Variants in DIP2B observed in about 807,000 individuals in gnomAD.
The protein encoded by DIP2B is DIP2 acetate--CoA ligase B (putative), also known as disco-interacting protein 2 homolog B.
A neutral mutation model predicts 198.0 loss-of-function variants in DIP2B; 76 were observed. The observed-to-expected ratio is 0.38, with a 90% confidence interval of 0.32 to 0.46. DIP2B has a LOEUF of 0.46. Among genes scored for constraint, DIP2B ranks in the 20% least tolerant of loss-of-function variants. The pLI, the probability that DIP2B is intolerant of heterozygous loss-of-function variation, is 0.99. For missense variants in DIP2B, 1,559 were observed against 1,978.4 expected (o/e 0.79, Z 4.02); for synonymous variants, 701 against 739.1 (o/e 0.95, Z 0.84).
intron 7 of DIP2B, 132 bp from the exon 8 acceptor site, chr12:50,678,547 A>G: frequency 1.0e-6 from 1 of 953,012 alleles, no homozygotes; most frequent in Non-Finnish European, 1.6e-6. Context: ...ATTTCTAACC[A>G]TGTCCTTTCT....
intron 4 of DIP2B, among the ~76,000 whole-genome samples, chr12:50,669,140 A>G (rs1298428518): frequency 6.6e-6 from 1 of 151,638 alleles, no homozygotes; most frequent in Non-Finnish European, 1.5e-5. Flanking sequence ...ATCCTGCGAA[A>G]CCCTTTGATT....
chr12:50,671,181 C>T lies in DIP2B; in HGVS notation c.428-5C>T. ...GAGAACTTCTTTTTTTCTAATTCCA[C>T]ACAGACACATCTTCGGCCTCTGAGG... On this transcript the variant is annotated splice_polypyrimidine_tract_variant and splice_region_variant and intron_variant, in intron 4 of 37. Transcript: ENST00000301180. 1 of 1,613,720 alleles carries T rather than the reference C, an allele frequency of 6.2e-7. No homozygotes were observed. The highest frequency in any genetic ancestry group is 1.3e-5 in the African/African-American group (1 of 75,032).
Position 50,744,806 on chromosome 12 carries a change from G to C in DIP2B, c.4698G>C (p.Gln1566His). The C allele has an allele frequency of 6.2e-7, 1 of 1,614,168 alleles. No homozygotes were observed. ...TCCGTGATAGCTTCCTAGCTGACCA[G>C]TTAGACCCCATCTACGTGGCTTATA... is the stretch of plus-strand genomic sequence containing the variant. ...MHLRDSFLAD[Q>H]LDPIYVAYNM Residue 1566 changes from glutamine (Q) to histidine (H), a missense_variant, in exon 38 of 38, where the codon CAG (glutamine) becomes CAC (histidine). Physicochemically the swap from Gln to His is conservative, Grantham distance 24. Transcript: ENST00000301180.
intron 1 of DIP2B, among the ~76,000 whole-genome samples, chr12:50,577,121 ACTT>A (rs1218249112): frequency 6.6e-6 from 1 of 152,048 alleles, no homozygotes; most frequent in Non-Finnish European, 1.5e-5. Context: ...TAAATTTTTA[ACTT>A]CTTGTTCTTT....
intron 1 of DIP2B, among the ~76,000 whole-genome samples, chr12:50,514,301 G>A (rs897357854): frequency 2.6e-5 from 4 of 152,040 alleles, no homozygotes; most frequent in African/African-American, 9.7e-5. Context: ...CCAACCTCAG[G>A]TGATCCGCCC....
At chr12:50,732,297 C>A in intron 31 of DIP2B, 69 bp from the exon 32 acceptor site, 1 of 1,561,134 alleles carries the variant, frequency 6.4e-7, no homozygotes, top group Non-Finnish European at 8.8e-7. Context: ...GGAGCTAGAA[C>A]AGTGGCCTTA....
At chr12:50,736,092 G>T (rs1431240614) in intron 34 of DIP2B, among the ~76,000 whole-genome samples, 1 of 152,128 alleles carries the variant, frequency 6.6e-6, no homozygotes, top group African/African-American at 2.4e-5. Context: ...TAATTCTGAA[G>T]GGCAGTGAAA....
chr12:50,663,763 G>A (rs1008481554), intron 4 of DIP2B, among the ~76,000 whole-genome samples: 1 of 151,136 alleles, frequency 6.6e-6, no homozygotes, highest in Admixed American at 6.6e-5. Context: ...CCAGCTACTT[G>A]AGAGGCTGAG....
chr12:50,728,315 G>A (rs144385267), intron 29 of DIP2B, among the ~76,000 whole-genome samples: 25 of 151,836 alleles, frequency 1.6e-4, no homozygotes, highest in East Asian at 7.7e-4. Context: ...CCATTGCACC[G>A]CAGCCTGGGC....
chr12:50,540,790 G>A (rs1958318114), intron 1 of DIP2B, among the ~76,000 whole-genome samples: 1 of 151,402 alleles, frequency 6.6e-6, no homozygotes, highest in African/African-American at 2.4e-5. Flanking sequence ...GCCCGCCTCG[G>A]CCTCCCAAAG....
intron 25 of DIP2B, 115 bp from the exon 26 acceptor site, chr12:50,721,158 T>G (rs180863115): frequency 2.1e-6 from 3 of 1,433,840 alleles, no homozygotes; most frequent in Non-Finnish European, 2.8e-6. Context: ...GATAACTTGC[T>G]AAGGATAATC....
intron 1 of DIP2B, among the ~76,000 whole-genome samples, chr12:50,600,328 T>C (rs1958924002): frequency 6.6e-6 from 1 of 152,216 alleles, no homozygotes; most frequent in African/African-American, 2.4e-5. Context: ...TTTTAAATTA[T>C]TTAACTGTGT....
Position 50,540,053 on chromosome 12 carries a change from G to GTTTTTTTTTTTTTTTTTTTTTTT in DIP2B, c.100+34820_100+34842dup, listed in dbSNP as rs60978324. ...TGGCAGGTAGTTTAGTTGTTTCTGTGTTTTTTTTTTTTTTTTTTTTTTTTT... is the reference window on the plus strand; with the variant it reads ...TGGCAGGTAGTTTAGTTGTTTCTGTGTTTTTTTTTTTTTTTTTTTTTTTTTTTTTTTTTTTTTTTTTTTTTTTT... On this transcript the variant is annotated intron_variant, in intron 1 of 37. Transcript: ENST00000301180. Among the ~76,000 whole-genome samples the GTTTTTTTTTTTTTTTTTTTTTTT allele has an allele frequency of 1.6e-4, 7 of 44,166 alleles. 1 individual carries two copies. Among genetic ancestry groups the GTTTTTTTTTTTTTTTTTTTTTTT allele is most frequent in the Non-Finnish European group, 2.3e-4 (6 of 25,648 alleles). The allele number at this position is 44,166 out of a possible 152,430, so 29.0% of individuals were successfully genotyped here. A position where few individuals can be genotyped will look rare whatever the true frequency, so the allele number is the denominator to read the frequency against.
At chr12:50,716,958 C>CTGTTTTTTTT (rs1939731747) in intron 23 of DIP2B, among the ~76,000 whole-genome samples, 1 of 58,924 alleles carries the variant, frequency 1.7e-5, no homozygotes, top group African/African-American at 6.2e-5. Context: ...CGAATTGTTG[C>CTGTTTTTTTT]TTTTTTTTTT....
intron 1 of DIP2B, among the ~76,000 whole-genome samples, chr12:50,527,411 A>G (rs562891903): frequency 1.3e-5 from 2 of 152,386 alleles, no homozygotes; most frequent in Admixed American, 6.5e-5. Flanking sequence ...TTTTGCACAT[A>G]GGAAAATAAC....
intron 1 of DIP2B, among the ~76,000 whole-genome samples, chr12:50,538,855 C>T (rs1958293498): frequency 2.0e-5 from 3 of 152,144 alleles, no homozygotes; most frequent in Non-Finnish European, 2.9e-5. Flanking sequence ...CAAACTGCTT[C>T]AAAGAGAATG....
Position 50,739,601 on chromosome 12 carries a change from A to G in DIP2B, c.4354+15A>G. Reference sequence around the variant, plus strand: ...GGCCACTGGAGGTACTTCTGCAACAACTCCCCATTGACCCTGCTTTGTGTT... The same window carrying G: ...GGCCACTGGAGGTACTTCTGCAACAGCTCCCCATTGACCCTGCTTTGTGTT... On this transcript the variant is annotated intron_variant, in intron 36 of 37. Coordinates refer to ENST00000301180, the MANE Select transcript of DIP2B (RefSeq NM_173602.3). The G allele has an allele frequency of 6.2e-7, 1 of 1,610,760 alleles. No individual in the cohort carries two copies. Among genetic ancestry groups the G allele is most frequent in the Non-Finnish European group, 8.5e-7 (1 of 1,177,678 alleles).
At chr12:50,620,995 A>G (rs1325054485) in intron 1 of DIP2B, among the ~76,000 whole-genome samples, 4 of 152,214 alleles carry the variant, frequency 2.6e-5, no homozygotes, top group African/African-American at 7.2e-5. Flanking sequence ...CTGGATCTTA[A>G]TCCAGACTTA....
intron 19 of DIP2B, among the ~76,000 whole-genome samples, chr12:50,701,417 C>G (rs1291707643): frequency 1.3e-5 from 2 of 152,202 alleles, no homozygotes; most frequent in Non-Finnish European, 2.9e-5. Context: ...GGGTCTTGCT[C>G]TGTCGCCCAG....
Sources: allele counts gnomAD v4.1 joint callset (sites outside exome capture counted in the v4.1 genomes callset), GRCh38; gene constraint gnomAD v4.1.1; transcripts MANE v1.5; gene names NCBI Gene and HGNC (gene_info 2026-07-23, HGNC 2026-07-21).